Variants in NUP160 observed in about 807,000 individuals in gnomAD.
The protein encoded by NUP160 is nucleoporin 160.
A neutral mutation model predicts 196.9 loss-of-function variants in NUP160; 94 were observed. The ratio of observed to expected loss-of-function variants is 0.48; its 90% CI spans 0.40 to 0.57. The LOEUF (loss-of-function observed/expected upper bound fraction) is 0.57. NUP160 is among the 20% of genes least tolerant of loss of function. NUP160 has a pLI of 0.00. For missense variants in NUP160, 1,638 were observed against 1,748.3 expected (o/e 0.94, Z 1.13); for synonymous variants, 605 against 619.7 (o/e 0.98, Z 0.35).
chr11:47,809,821 T>C (rs2097680101), intron 17 of NUP160, among the ~76,000 whole-genome samples: 1 of 150,812 alleles, frequency 6.6e-6, no homozygotes, highest in African/African-American at 2.4e-5. Context: ...TGTTGAGATT[T>C]ATAAAGTGGA....
chr11:47,805,150 G>A (rs1033383448), intron 20 of NUP160, among the ~76,000 whole-genome samples: 2 of 149,858 alleles, frequency 1.3e-5, no homozygotes, highest in Non-Finnish European at 3.0e-5. Context: ...TTTTTTTTGA[G>A]ACAGAGTCTC....
At chr11:47,819,729 ATG>A (rs1851817782) in intron 9 of NUP160, among the ~76,000 whole-genome samples, 1 of 152,186 alleles carries the variant, frequency 6.6e-6, no homozygotes, top group South Asian at 2.1e-4. Context: ...ATAATCTTTA[ATG>A]TCATTTTAAC....
At chr11:47,816,961 T>TA (rs1851739866) in intron 11 of NUP160, among the ~76,000 whole-genome samples, 1 of 148,198 alleles carries the variant, frequency 6.7e-6, no homozygotes, top group African/African-American at 2.5e-5. Flanking sequence ...TTTGTAACCT[T>TA]AAAAAATCCT....
chr11:47,803,610 C>T (rs878865173), intron 21 of NUP160, 74 bp from the exon 22 acceptor site: 14 of 820,656 alleles, frequency 1.7e-5, no homozygotes, highest in South Asian at 1.4e-4. Context: ...CCAAGTTATT[C>T]GTCACAGAGG....
At chr11:47,845,770 A>G (rs1271025286) in intron 2 of NUP160, among the ~76,000 whole-genome samples, 1 of 152,168 alleles carries the variant, frequency 6.6e-6, no homozygotes, top group Non-Finnish European at 1.5e-5. Context: ...CAGTGGCATG[A>G]TCGGATCCTC....
intron 23 of NUP160, among the ~76,000 whole-genome samples, chr11:47,800,549 C>T (rs574498052): frequency 6.6e-6 from 1 of 152,096 alleles, no homozygotes; most frequent in East Asian, 2.0e-4. Context: ...CACACCACCA[C>T]GCCCGGCTAA....
At position 47,807,146 on chromosome 11, in the gene NUP160, A is replaced by C. The variant is rs1431734838; in HGVS notation, c.2376-6T>G. 1 of 1,595,672 alleles carries C rather than the reference A, an allele frequency of 6.3e-7. No individual in the cohort carries two copies. The highest frequency in any genetic ancestry group is 8.6e-7 in the Non-Finnish European group (1 of 1,163,954). On this transcript the variant is annotated splice_region_variant and splice_polypyrimidine_tract_variant and intron_variant, in intron 18 of 35. Transcript: ENST00000378460. ...AGTGTTGGAGATTAGACTCCCTGTGAGAAAAGGGGAAAAGACAGCTTAGTA... is the reference window on the plus strand; with the variant it reads ...AGTGTTGGAGATTAGACTCCCTGTGCGAAAAGGGGAAAAGACAGCTTAGTA...
chr11:47,836,551 T>C (rs1183044964), intron 6 of NUP160, among the ~76,000 whole-genome samples: 1 of 152,056 alleles, frequency 6.6e-6, no homozygotes, highest in Non-Finnish European at 1.5e-5. Flanking sequence ...AGGCAGAGGC[T>C]GCAGTGAGCT....
intron 33 of NUP160, 147 bp downstream of exon 33, chr11:47,784,775 C>T (rs912988104): frequency 2.0e-6 from 1 of 494,238 alleles, no homozygotes; most frequent in Non-Finnish European, 3.4e-6. Context: ...CTCCTGGGCT[C>T]AAGCCATCCT....
chr11:47,800,118 G>A (rs2097673310), intron 23 of NUP160, among the ~76,000 whole-genome samples: 1 of 151,820 alleles, frequency 6.6e-6, no homozygotes, highest in South Asian at 2.1e-4. Context: ...GTGGGGTGTG[G>A]TGGTGCACAC....
At chr11:47,785,484 G>A (rs1317419151) in intron 32 of NUP160, among the ~76,000 whole-genome samples, 3 of 152,108 alleles carry the variant, frequency 2.0e-5, no homozygotes, top group African/African-American at 7.2e-5. Context: ...AGCTAAATGG[G>A]AACAAATATT....
At chr11:47,812,341 A>G in exon 16 of NUP160, 1 of 1,613,980 alleles carries the variant, frequency 6.2e-7, no homozygotes, top group Non-Finnish European at 8.5e-7. Context: ...TCTGTTTCAT[A>G]ATCCATTTCC....
chr11:47,794,138 G>A (rs2097669529), intron 27 of NUP160, among the ~76,000 whole-genome samples: 1 of 152,138 alleles, frequency 6.6e-6, no homozygotes, highest in South Asian at 2.1e-4. Flanking sequence ...GATGAAAAGT[G>A]TTCTGGAGAT....
intron 19 of NUP160, among the ~76,000 whole-genome samples, chr11:47,806,862 C>A (rs2097678066): frequency 2.2e-5 from 3 of 134,518 alleles, no homozygotes; most frequent in South Asian, 2.5e-4. Flanking sequence ...CATATATATA[C>A]CATATCCTTA....
At chr11:47,809,421 T>A (rs533067088) in intron 17 of NUP160, among the ~76,000 whole-genome samples, 1 of 151,784 alleles carries the variant, frequency 6.6e-6, no homozygotes. Context: ...CAAATTCTAG[T>A]TTTTAGAACT....
intron 9 of NUP160, 147 bp downstream of exon 9, chr11:47,821,577 C>T: frequency 1.7e-6 from 1 of 592,778 alleles, no homozygotes; most frequent in East Asian, 2.9e-5. Context: ...CCAGCCTGGT[C>T]TCGAACTCCT....
At chr11:47,803,171 A>C (rs2097675333) in intron 22 of NUP160, among the ~76,000 whole-genome samples, 1 of 148,830 alleles carries the variant, frequency 6.7e-6, no homozygotes, top group African/African-American at 2.4e-5. Flanking sequence ...AATAATAATA[A>C]TAATAATAAA....
intron 7 of NUP160, among the ~76,000 whole-genome samples, chr11:47,827,372 A>AC: frequency 6.6e-6 from 1 of 151,990 alleles, no homozygotes; most frequent in African/African-American, 2.4e-5. Context: ...TCAAAAAAAA[A>AC]AAAAAAATTC....
At chr11:47,803,143 A>AATAATAATAATG (rs2097675268) in intron 22 of NUP160, among the ~76,000 whole-genome samples, 1 of 7,324 alleles carries the variant, frequency 1.4e-4, no homozygotes, top group South Asian at 6.1e-3. Flanking sequence ...GATTTTACAA[A>AATAATAATAATG]ATAATAATAA....
Sources: allele counts gnomAD v4.1 joint callset (sites outside exome capture counted in the v4.1 genomes callset), GRCh38; gene constraint gnomAD v4.1.1; transcripts MANE v1.5; gene names NCBI Gene and HGNC (gene_info 2026-07-23, HGNC 2026-07-21).